PLEC: variants seen among roughly 807,000 people sequenced by gnomAD.
PLEC encodes the protein hemidesmosomal protein 1.
PLEC carries 216 observed loss-of-function variants against 392.8 expected under a neutral mutation model. The ratio of observed to expected loss-of-function variants is 0.55; its 90% CI spans 0.49 to 0.62. The LOEUF is 0.62. Ranked by LOEUF, PLEC falls within the 20% of genes least tolerant of loss-of-function variation. The pLI, the probability that PLEC is intolerant of heterozygous loss-of-function variation, is 0.00. For missense variants in PLEC, 6,863 were observed against 6,563.4 expected (o/e 1.05, Z -1.58); for synonymous variants, 3,621 against 2,980.6 (o/e 1.21, Z -7.00).
chr8:143,916,540 G>C lies in PLEC; in HGVS notation c.13281C>G (p.Asp4427Glu). ...TGAGGTACTTGGAGTAGGCGCCCACGTCACGCAGCTTCTGTGCGGTGCGGG... is the reference window on the plus strand; with the variant it reads ...TGAGGTACTTGGAGTAGGCGCCCACCTCACGCAGCTTCTGTGCGGTGCGGG... ...VDARTAQKLRDVGAYSKYLTC... is the reference protein window; with the variant it reads ...VDARTAQKLREVGAYSKYLTC... The change falls in exon 32 of 32, where the codon GAC becomes GAG. Residue 4427 changes from aspartate (D) to glutamate (E), a missense_variant. Coordinates refer to ENST00000345136, the MANE Select transcript of PLEC (RefSeq NM_201384.3). The C allele has an allele frequency of 6.2e-7, 1 of 1,611,804 alleles. No individual in the cohort carries two copies. Among genetic ancestry groups the C allele is most frequent in the Non-Finnish European group, 8.5e-7 (1 of 1,179,498 alleles).
chr8:143,917,386 G>C lies in PLEC; in HGVS notation c.12435C>G (p.Asp4145Glu). Residue 4145 changes from aspartate (D) to glutamate (E), a missense_variant, in exon 32 of 32, where the codon GAC becomes GAG. Coordinates refer to ENST00000345136, the MANE Select transcript of PLEC (RefSeq NM_201384.3). ...CTGACATCTCCTTGCCCGTCTCGGG[G>C]TCCACGATGACCACTCGGCGCTTGC... ...SVRKRRVVIVDPETGKEMSVY... is the reference protein window; with the variant it reads ...SVRKRRVVIVEPETGKEMSVY... The C allele has an allele frequency of 6.2e-7, 1 of 1,611,790 alleles. No homozygotes were observed. The highest frequency in any genetic ancestry group is 1.7e-5 in the Admixed American group (1 of 60,022).
At chr8:143,975,303 G>A (rs1554745691), upstream of PLEC, 1 of 1,611,124 alleles carries the variant, frequency 6.2e-7, no homozygotes, top group East Asian at 2.2e-5. The surrounding 1 kb of genome is among the most constrained non-coding windows in gnomAD (Gnocchi z 9.9). Flanking sequence ...CCAGGGCTGG[G>A]CGAGCCACTG....
At position 143,934,741 on chromosome 8, in the gene PLEC, C is replaced by G. The variant is rs551331225; in HGVS notation, c.946-11G>C. 1.9e-6 allele frequency: 3 copies of G among 1,612,168 alleles called. No homozygotes were observed. Among genetic ancestry groups the G allele is most frequent in the Admixed American group, 1.7e-5 (1 of 60,010 alleles). On this transcript the variant is annotated splice_polypyrimidine_tract_variant and intron_variant, in intron 9 of 31. Transcript: ENST00000345136. ...CTGAGACCACAGGATCTGCCAGGGA[C>G]GAGGCTGTCGGCAACCACGCCGGGC...
rs375043980 is a variant in PLEC, at chr8:143,920,939, G to A, written c.8882C>T (p.Thr2961Met). 1.6e-5 allele frequency: 26 copies of A among 1,612,788 alleles called. No homozygotes were observed. The highest frequency in any genetic ancestry group is 6.7e-5 in the Admixed American group (4 of 60,012). Residue 2961 changes from threonine to methionine, a missense_variant, in exon 32 of 32, where the codon ACG (threonine) becomes ATG (methionine). Thr to Met is a moderately conservative substitution (Grantham distance 81). Transcript: ENST00000345136. The stretch of plus-strand genomic sequence containing the variant: ...CTTCTGCTCCTGCTCCTCCACCACC[G>A]TGATGATGATCTTGATGATCTTCTC... ...TVEKIIKIIITVVEEQEQKGR... is the reference protein window; with the variant it reads ...TVEKIIKIIIMVVEEQEQKGR...
Position 143,918,172 on chromosome 8 carries a change from C to A in PLEC, c.11649G>T (p.Leu3883=), listed in dbSNP as rs1554674219. 6.3e-7 allele frequency: 1 copy of A among 1,595,324 alleles called. No homozygotes were observed. ...TCTGCTTCCGCAGGCCACGGAAGGT[C>A]AGCTTGCGGGCGTCCGACAGTGGCA... The part of the protein sequence containing the change: ...LLLPLSDARK[L]TFRGLRKQIT... Residue 3883 remains leucine, a synonymous_variant, in exon 32 of 32, where the codon CTG becomes CTT. Transcript: ENST00000345136.
chr8:143,953,660 T>C, upstream of PLEC: 1 of 1,533,300 alleles, frequency 6.5e-7, no homozygotes, highest in Admixed American at 1.8e-5. Flanking sequence ...CTGCGTGGAC[T>C]GCACCCAGCC....
chr8:143,944,856 G>C (rs1554731214), intron 1 of PLEC: 1 of 531,228 alleles, frequency 1.9e-6, no homozygotes, highest in Non-Finnish European at 3.0e-6. Flanking sequence ...AAATATCCGA[G>C]GAGGGCGCGC....
In PLEC at chr8:143,923,398, C is replaced by A. The variant is rs782621816; in HGVS notation, c.6531G>T (p.Thr2177=). 6.2e-7 allele frequency: 1 copy of A among 1,610,782 alleles called. No individual in the cohort carries two copies. The highest frequency in any genetic ancestry group is 1.1e-5 in the South Asian group (1 of 90,958). The stretch of plus-strand genomic sequence containing the variant: ...GCTCCACCTGCGCCTTCTGCCGCAG[C>A]GTCTGCTCGGCGAATTTCTTATGCT... ...MEKHKKFAEQ[T]LRQKAQVEQE... Residue 2177 remains threonine, a synonymous_variant, in exon 31 of 32, where the codon ACG becomes ACT. Coordinates refer to ENST00000345136, the MANE Select transcript of PLEC (RefSeq NM_201384.3).
At chr8:143,943,886 T>C (rs782489279), upstream of PLEC, 1 of 1,611,014 alleles carries the variant, frequency 6.2e-7, no homozygotes. Flanking sequence ...GCCCGAGGGC[T>C]CCATAGCCGC....
Position 143,934,791 on chromosome 8 carries a change from C to T in PLEC, c.945+19G>A. 2 of 1,611,264 alleles carry T rather than the reference C, an allele frequency of 1.2e-6. No individual in the cohort carries two copies. The highest frequency in any genetic ancestry group is 1.3e-5 in the African/African-American group (1 of 75,024). ...CTCTCAGGGCAGGCCCAGGACCCCG[C>T]CCCCCACGGCAGGCCCACCTCAATC... On this transcript the variant is annotated intron_variant, in intron 9 of 31. Coordinates refer to ENST00000345136, the MANE Select transcript of PLEC (RefSeq NM_201384.3).
rs782146192 is a variant in PLEC, at chr8:143,924,050, CGCA to C, written c.5876_5878del (p.Leu1959del). 1 of 1,596,312 alleles carries C rather than the reference CGCA, an allele frequency of 6.3e-7. No homozygotes were observed. The highest frequency in any genetic ancestry group is 1.3e-5 in the African/African-American group (1 of 74,810). ...CTCCAGCTCGGCCTGCTCCTTGCTG[CGCA>C]GCGTGTCCTCCGCGTTGCTGCGGAT... On this transcript the variant is annotated inframe_deletion, in exon 31 of 32. Transcript: ENST00000345136.
At chr8:143,951,873 C>G (rs1373059612), upstream of PLEC, among the ~76,000 whole-genome samples, 1 of 152,104 alleles carries the variant, frequency 6.6e-6, no homozygotes, top group Non-Finnish European at 1.5e-5. Flanking sequence ...CCACCCCCCC[C>G]TCCCCGCCCC....
At chr8:143,971,817 C>G (rs766816750) in intron 1 of PLEC, among the ~76,000 whole-genome samples, 9 of 152,112 alleles carry the variant, frequency 5.9e-5, no homozygotes, top group Non-Finnish European at 1.3e-4. Flanking sequence ...CCAGCCTCCA[C>G]CACCAAGCCC....
chr8:143,939,529 G>T lies in PLEC; in HGVS notation c.-68C>A. 1 of 1,555,594 alleles carries T rather than the reference G, an allele frequency of 6.4e-7. No individual in the cohort carries two copies. Among genetic ancestry groups the T allele is most frequent in the Non-Finnish European group, 8.7e-7 (1 of 1,151,826 alleles). On this transcript the variant is annotated 5_prime_UTR_variant, in exon 1 of 32. Coordinates refer to ENST00000345136, the MANE Select transcript of PLEC (RefSeq NM_201384.3). ...ACGGTGCTCTGGGCAGCCCCGTGTG[G>T]CACACAGGCAGCTGAAGGCTGGCGG...
Position 143,918,555 on chromosome 8 carries a change from C to G in PLEC, c.11266G>C (p.Glu3756Gln), listed in dbSNP as rs369563702. The change falls in exon 32 of 32, where the codon GAG becomes CAG. Residue 3756 changes from glutamate to glutamine, a missense_variant. Physicochemically the swap from Glu to Gln is conservative, Grantham distance 29 (BLOSUM62 2). Transcript: ENST00000345136. ...EAVRKGLVGP[E>Q]LHDRLLSAER... ...GCCGAGAGCAGGCGGTCGTGCAGCT[C>G]GGGCCCCACGAGGCCCTTCCGCACA... The G allele has an allele frequency of 9.3e-6, 15 of 1,610,676 alleles. No homozygotes were observed. In the South Asian group the frequency reaches 1.5e-4, roughly 17 times the overall value.
In PLEC at chr8:143,927,698, T is replaced by G. The variant is rs782444093; in HGVS notation, c.3468A>C (p.Ala1156=). Residue 1156 remains alanine, a synonymous_variant, in exon 27 of 32, where the codon GCA becomes GCC. Transcript: ENST00000345136. ...GCTGCAGTCGCTCCCCCACCTCCTG[T>G]GCCCCCCGCAGCTCATCCCGCAGGG... ...FDALRDELRG[A]QEVGERLQQR... is the part of the protein sequence containing the mutation. 5 of 1,584,016 alleles carry G rather than the reference T, an allele frequency of 3.2e-6. No individual in the cohort carries two copies. The African/African-American group carries it at 6.7e-5, about 21-fold the overall frequency.
At chr8:143,966,505 G>A (rs945031602) in intron 1 of PLEC, among the ~76,000 whole-genome samples, 1 of 152,218 alleles carries the variant, frequency 6.6e-6, no homozygotes, top group South Asian at 2.1e-4. Flanking sequence ...TACCTCCACA[G>A]CCACCACGGG....
chr8:143,955,881 A>G (rs1285041824), upstream of PLEC, among the ~76,000 whole-genome samples: 2 of 151,364 alleles, frequency 1.3e-5, no homozygotes, highest in Admixed American at 1.3e-4. Flanking sequence ...TGTGAGCCAC[A>G]CTGCCTGGTC....
rs1554701162 is a variant in PLEC at position 143,925,193 on chromosome 8, T to G, written c.4736A>C (p.Gln1579Pro). ...TAQRSAEAEL[Q>P]SKRASFAEKT... ...CTCGGCGAAGGAGGCGCGTTTGCTC[T>G]GCAGCTCCGCCTCTGCACTGCGCTG... The change falls in exon 31 of 32, where the codon CAG becomes CCG. Residue 1579 changes from glutamine to proline, a missense_variant. Physicochemically the swap from Gln to Pro is moderately conservative, Grantham distance 76. Coordinates refer to ENST00000345136, the MANE Select transcript of PLEC (RefSeq NM_201384.3). 3 of 1,583,528 alleles carry G rather than the reference T, an allele frequency of 1.9e-6. No individual in the cohort carries two copies. The Admixed American group carries it at 5.1e-5, about 27-fold the overall frequency.
Sources: gnomAD v4.1 joint callset for allele counts (sites outside exome capture counted in the v4.1 genomes callset) on GRCh38, gnomAD v4.1.1 for gene constraint, Gnocchi (gnomAD v3.1) non-coding constraint, MANE v1.5 for transcripts, NCBI Gene and HGNC (gene_info 2026-07-23, HGNC 2026-07-21) for gene names.